Variants in INTU observed in about 807,000 individuals in gnomAD.
INTU encodes the protein inturned planar cell polarity protein.
In INTU, 68 loss-of-function variants were observed where a neutral mutation model predicts 100.5. The ratio of observed to expected loss-of-function variants is 0.68; its 90% CI spans 0.56 to 0.83. The LOEUF (loss-of-function observed/expected upper bound fraction) is 0.83, where lower values mean the gene tolerates loss of function less well. Among genes scored for constraint, INTU ranks in the 40% least tolerant of loss-of-function variants. The pLI is 0.00. For synonymous variants in INTU, 357 were observed against 395.7 expected (o/e 0.90, Z 1.16); for missense variants, 1,071 against 1,114.7 (o/e 0.96, Z 0.56).
chr4:127,708,739 C>A, intron 13 of INTU, 71 bp downstream of exon 13: 1 of 725,226 alleles, frequency 1.4e-6, no homozygotes, highest in Non-Finnish European at 2.3e-6. Flanking sequence ...AATTTTATAA[C>A]ATGTATTTTA....
intron 2 of INTU, 76 bp from the exon 3 acceptor site, chr4:127,656,559 GT>G: frequency 9.8e-7 from 1 of 1,020,424 alleles, no homozygotes; most frequent in Non-Finnish European, 1.5e-6. Flanking sequence ...CAGAGTAGCT[GT>G]TTAATGTTCC....
At chr4:127,684,286 C>G in intron 6 of INTU, 123 bp from the exon 7 acceptor site, 1 of 610,820 alleles carries the variant, frequency 1.6e-6, no homozygotes, top group Non-Finnish European at 2.9e-6. Context: ...TACAGCTTTA[C>G]TCAGAGTTGA....
chr4:127,689,362 A>T (rs886606964), intron 8 of INTU, among the ~76,000 whole-genome samples: 1 of 152,164 alleles, frequency 6.6e-6, no homozygotes, highest in Non-Finnish European at 1.5e-5. Context: ...AGAATATATA[A>T]GCATTGGCTG....
chr4:127,699,573 A>G (rs1358230160), intron 8 of INTU, among the ~76,000 whole-genome samples: 1 of 152,240 alleles, frequency 6.6e-6, no homozygotes, highest in African/African-American at 2.4e-5. Context: ...CAAGAAATGG[A>G]GAATCGAGAA....
chr4:127,679,856 G>A (rs1465330517), intron 6 of INTU, among the ~76,000 whole-genome samples: 3 of 151,942 alleles, frequency 2.0e-5, no homozygotes, highest in African/African-American at 4.8e-5. Context: ...TAGACCACTA[G>A]CAAGACTAAT....
intron 2 of INTU, among the ~76,000 whole-genome samples, chr4:127,654,959 T>C (rs1728109512): frequency 6.7e-6 from 1 of 150,210 alleles, no homozygotes; most frequent in Non-Finnish European, 1.5e-5. Context: ...CCTTCTCGCT[T>C]CATTTCATTC....
chr4:127,667,553 A>G (rs1728750416), intron 4 of INTU, among the ~76,000 whole-genome samples: 2 of 152,160 alleles, frequency 1.3e-5, no homozygotes, highest in Admixed American at 1.3e-4. Context: ...TTCAAAATGT[A>G]AAGACCATAA....
At chr4:127,651,925 G>C (rs1291933593) in intron 2 of INTU, among the ~76,000 whole-genome samples, 1 of 150,664 alleles carries the variant, frequency 6.6e-6, no homozygotes, top group Non-Finnish European at 1.5e-5. Context: ...TCCTTGAAGA[G>C]GTCCTTCACA....
At chr4:127,715,008 T>C (rs1248725299) in intron 15 of INTU, among the ~76,000 whole-genome samples, 6 of 152,030 alleles carry the variant, frequency 3.9e-5, no homozygotes, top group African/African-American at 1.4e-4. Context: ...TCTATATATT[T>C]ATATATCTAT....
chr4:127,708,781 T>C (rs1280649787), intron 13 of INTU, 113 bp downstream of exon 13: 1 of 579,154 alleles, frequency 1.7e-6, no homozygotes, highest in Admixed American at 3.2e-5. Flanking sequence ...ATATCTTACA[T>C]ATTAAAGGTA....
At chr4:127,651,030 C>T (rs1390739860) in intron 2 of INTU, among the ~76,000 whole-genome samples, 2 of 152,146 alleles carry the variant, frequency 1.3e-5, no homozygotes, top group South Asian at 2.1e-4. Flanking sequence ...TGAGAAGTGT[C>T]TGTTCATGTC....
At position 127,708,617 on chromosome 4, in the gene INTU, A is replaced by G; in HGVS notation, c.2318A>G (p.Asn773Ser). 5 of 1,600,466 alleles carry G rather than the reference A, an allele frequency of 3.1e-6. No individual in the cohort carries two copies. The highest frequency in any genetic ancestry group is 4.3e-6 in the Non-Finnish European group (5 of 1,170,366). Residue 773 changes from asparagine (N) to serine (S), a missense_variant, in exon 13 of 16, where the codon AAC becomes AGC. By Grantham distance (46) the Asn-to-Ser change is conservative. Transcript: ENST00000335251. ...CTTCCAAATCCATTTCATTTGGGAA[A>G]CTTGAAAAAGGACCTTCCAGAAAAA... ...STLPNPFHLGNLKKDLPEKEL... is the reference protein window; with the variant it reads ...STLPNPFHLGSLKKDLPEKEL...
chr4:127,708,550 C>T (rs771268680), intron 12 of INTU, 21 bp from the exon 13 acceptor site: 1 of 1,249,436 alleles, frequency 8.0e-7, no homozygotes, highest in Non-Finnish European at 1.2e-6. Context: ...ATAAACTGAT[C>T]TACTTAACTA....
At chr4:127,664,187 G>A (rs577837662) in intron 4 of INTU, among the ~76,000 whole-genome samples, 17 of 152,010 alleles carry the variant, frequency 1.1e-4, no homozygotes, top group Admixed American at 5.9e-4. Flanking sequence ...TACTGAATAC[G>A]TACTTTTTGT....
Position 127,684,482 on chromosome 4 carries a change from G to C in INTU, c.1255G>C (p.Asp419His). Residue 419 changes from aspartate (D) to histidine (H), a missense_variant, in exon 7 of 16, where the codon GAT becomes CAT. Coordinates refer to ENST00000335251, the MANE Select transcript of INTU (RefSeq NM_015693.4). ...CTTAAAATTTATGTATGGTTCTTTAGATAGGTAAGTACTTCTTCAAATTGA... is the reference window on the plus strand; with the variant it reads ...CTTAAAATTTATGTATGGTTCTTTACATAGGTAAGTACTTCTTCAAATTGA... Reference protein sequence around the residue: ...QTLKFMYGSLDSAFCQIENVP... With the variant: ...QTLKFMYGSLHSAFCQIENVP... The C allele has an allele frequency of 3.3e-6, 5 of 1,504,734 alleles. No individual in the cohort carries two copies. Among genetic ancestry groups the C allele is most frequent in the Non-Finnish European group, 4.6e-6 (5 of 1,087,444 alleles). 93.2% of individuals were successfully genotyped at this position (1,504,734 alleles called of 1,614,324 possible).
chr4:127,706,533 C>A lies in INTU; in HGVS notation c.1835C>A (p.Ser612Tyr), dbSNP rs1169985687. ...CTATTAGAAGCTGGAGGTTGCGCAT[C>A]CAAAGCTATTGGGAGTCCTGGACCA... ...CVLLEAGGCA[S>Y]KAIGSPGPDC... Residue 612 changes from serine (S) to tyrosine (Y), a missense_variant, in exon 12 of 16, where the codon TCC becomes TAC. By Grantham distance (144) the Ser-to-Tyr change is moderately radical (BLOSUM62 -2). Transcript: ENST00000335251. 1 of 1,613,792 alleles carries A rather than the reference C, an allele frequency of 6.2e-7. No homozygotes were observed. The highest frequency in any genetic ancestry group is 1.7e-5 in the Admixed American group (1 of 59,984).
intron 4 of INTU, among the ~76,000 whole-genome samples, chr4:127,666,819 A>C (rs115631533): frequency 0.012 from 1,811 of 152,292 alleles, 16 homozygotes; most frequent in South Asian, 0.037. Context: ...GTTTTTAACT[A>C]ATCTGTATCT....
chr4:127,678,002 T>C (rs372009157), intron 6 of INTU, among the ~76,000 whole-genome samples: 40 of 151,952 alleles, frequency 2.6e-4, no homozygotes, highest in African/African-American at 8.7e-4. Context: ...AGGGTATCAG[T>C]GATGGAAGAT....
In INTU at chr4:127,726,540, T is replaced by G. The variant is rs748103364; in HGVS notation, c.*10104T>G. 2.0e-5 allele frequency: 3 copies of G among 152,216 alleles called. No homozygotes were observed. Among genetic ancestry groups the G allele is most frequent in the Non-Finnish European group, 4.4e-5 (3 of 68,030 alleles). 9.4% of individuals were successfully genotyped at this position (152,216 alleles called of 1,614,324 possible). A position where few individuals can be genotyped will look rare whatever the true frequency, so the allele number is the denominator to read the frequency against. ...TAGGGGAAAAGCTGAGAAAAATCATTTATCAATAAACAGTTTTCAGAACAA... is the reference window on the plus strand; with the variant it reads ...TAGGGGAAAAGCTGAGAAAAATCATGTATCAATAAACAGTTTTCAGAACAA... On this transcript the variant is annotated 3_prime_UTR_variant, in exon 16 of 16. Coordinates refer to ENST00000335251, the MANE Select transcript of INTU (RefSeq NM_015693.4).
Sources: gnomAD v4.1 joint callset for allele counts (sites outside exome capture counted in the v4.1 genomes callset) on GRCh38, gnomAD v4.1.1 for gene constraint, MANE v1.5 for transcripts, NCBI Gene and HGNC (gene_info 2026-07-23, HGNC 2026-07-21) for gene names.